ZSCAN25: variants seen among roughly 807,000 people sequenced by gnomAD.
ZSCAN25 encodes zinc finger and SCAN domain containing 25.
A neutral mutation model predicts 38.7 loss-of-function variants in ZSCAN25; 27 were observed. The observed-to-expected ratio is 0.70, with a 90% CI of 0.51 to 0.96. ZSCAN25 has a LOEUF of 0.96. Among genes scored for constraint, ZSCAN25 ranks in the 40% least tolerant of loss-of-function variants. ZSCAN25 has a pLI of 0.00. For missense variants in ZSCAN25, 637 were observed against 705.9 expected, an observed-to-expected ratio of 0.90 and a Z score of 1.11; for synonymous variants, 273 against 277.7, an observed-to-expected ratio of 0.98 and a Z score of 0.17.
chr7:99,650,793 C>T, the ZSCAN25 span, among the ~76,000 whole-genome samples: 1 of 152,012 alleles, frequency 6.6e-6, no homozygotes, highest in Non-Finnish European at 1.5e-5. Context: ...CTCTCCATCT[C>T]TTCCTCTCTT....
the ZSCAN25 span, among the ~76,000 whole-genome samples, chr7:99,650,732 G>A: frequency 4.7e-5 from 7 of 150,072 alleles, no homozygotes; most frequent in Admixed American, 6.7e-5. Context: ...TACCTTCCCC[G>A]TCCACCTTCT....
the ZSCAN25 span, among the ~76,000 whole-genome samples, chr7:99,694,536 A>G: frequency 6.6e-6 from 1 of 152,210 alleles, no homozygotes; most frequent in African/African-American, 2.4e-5. Flanking sequence ...TCTACATTTC[A>G]GGGTTGATGT....
chr7:99,654,527 T>G, the ZSCAN25 span, among the ~76,000 whole-genome samples: 246 of 152,384 alleles, frequency 1.6e-3, no homozygotes, highest in African/African-American at 5.5e-3. Context: ...TTGTGAATAG[T>G]GCTGCAATAA....
the ZSCAN25 span, among the ~76,000 whole-genome samples, chr7:99,736,878 G>A: frequency 6.6e-6 from 1 of 152,120 alleles, no homozygotes; most frequent in Non-Finnish European, 1.5e-5. Flanking sequence ...TATGTGCCGG[G>A]AGCCACATGT....
the ZSCAN25 span, chr7:99,662,857 A>C: frequency 1.2e-6 from 2 of 1,613,992 alleles, no homozygotes; most frequent in South Asian, 2.2e-5. The surrounding 1 kb of genome is among the most constrained non-coding windows in gnomAD (Gnocchi z 4.3). Flanking sequence ...GGAGTCAATC[A>C]TCAGCTGAAG....
At chr7:99,678,885 C>T in the ZSCAN25 span, among the ~76,000 whole-genome samples, 1 of 152,108 alleles carries the variant, frequency 6.6e-6, no homozygotes, top group Non-Finnish European at 1.5e-5. Flanking sequence ...GCCTCCACTA[C>T]CCACAGTGGA....
chr7:99,695,771 A>G, the ZSCAN25 span: 4 of 1,612,702 alleles, frequency 2.5e-6, no homozygotes, highest in African/African-American at 4.0e-5. Flanking sequence ...AGTAGTTCCC[A>G]AAAAAAGCAG....
the ZSCAN25 span, among the ~76,000 whole-genome samples, chr7:99,654,344 T>G: frequency 6.6e-6 from 1 of 152,182 alleles, no homozygotes; most frequent in East Asian, 1.9e-4. Context: ...TGGTTTTTTG[T>G]CCTTGCCATA....
Position 99,629,911 on chromosome 7 carries a change from C to G in ZSCAN25, c.1526C>G (p.Thr509Arg). The change falls in exon 8 of 8, where the codon ACA becomes AGA. Residue 509 changes from threonine to arginine, a missense_variant. Transcript: ENST00000394152. This position sits in a 1 kb window ranked among gnomAD's most constrained non-coding sequence, Gnocchi z 5.6. ...ERLVRHQRIH[T>R]GEKPYHCPAC... The stretch of plus-strand genomic sequence containing the variant: ...CTGGTCCGACACCAGAGAATCCATA[C>G]AGGGGAGAAGCCCTACCACTGTCCT... 6.2e-7 allele frequency: 1 copy of G among 1,614,204 alleles called. No homozygotes were observed. Among genetic ancestry groups the G allele is most frequent in the Non-Finnish European group, 8.5e-7 (1 of 1,180,030 alleles).
chr7:99,714,710 C>G, the ZSCAN25 span: 2 of 1,604,256 alleles, frequency 1.2e-6, no homozygotes, highest in Non-Finnish European at 1.7e-6. Context: ...CAACAGAAAA[C>G]GAAACCATTG....
At chr7:99,699,769 G>A in the ZSCAN25 span, among the ~76,000 whole-genome samples, 3,084 of 152,272 alleles carry the variant, frequency 0.02, 97 homozygotes, top group African/African-American at 0.068. Flanking sequence ...ATTAGAAGGT[G>A]GCTGGGACAA....
At chr7:99,709,767 T>C in the ZSCAN25 span, among the ~76,000 whole-genome samples, 1 of 67,462 alleles carries the variant, frequency 1.5e-5, no homozygotes, top group Non-Finnish European at 5.4e-5. Context: ...GGATTTGTAT[T>C]ATATATATGT....
the ZSCAN25 span, chr7:99,660,006 C>T: frequency 6.1e-6 from 1 of 165,124 alleles, no homozygotes; most frequent in South Asian, 2.0e-4. Context: ...TGACCCCTTG[C>T]ACTTCCCAGG....
At chr7:99,639,630 G>A in the ZSCAN25 span, among the ~76,000 whole-genome samples, 1 of 152,200 alleles carries the variant, frequency 6.6e-6, no homozygotes, top group African/African-American at 2.4e-5. Flanking sequence ...CATAATAGGA[G>A]ACAGTAAATA....
At position 99,631,856 on chromosome 7, in the gene ZSCAN25, C is replaced by T; in HGVS notation, c.*1836C>T. ...AGATGTCCACACGGGGCTGCTGCTG[C>T]TCCTCTGTAATACTGAGGTCCACAT... On this transcript the variant is annotated 3_prime_UTR_variant, in exon 8 of 8. Transcript: ENST00000394152. 1.0e-6 allele frequency: 1 copy of T among 985,454 alleles called. No individual in the cohort carries two copies. The highest frequency in any genetic ancestry group is 6.1e-5 in the Admixed American group (1 of 16,280). The allele number at this position is 985,454 out of a possible 1,614,324, so 61.0% of individuals were successfully genotyped here.
chr7:99,629,324 G>T lies in ZSCAN25; in HGVS notation c.939G>T (p.Glu313Asp). The change falls in exon 8 of 8, where the codon GAG becomes GAT. Residue 313 changes from glutamate to aspartate, a missense_variant. Glu to Asp is a conservative substitution (Grantham distance 45). Transcript: ENST00000394152. The surrounding 1 kb of genome is among the most constrained non-coding windows in gnomAD (Gnocchi z 5.6). ...GPGLGRVCEQEPGGPAGSAPG... is the reference protein window; with the variant it reads ...GPGLGRVCEQDPGGPAGSAPG... The stretch of plus-strand genomic sequence containing the variant: ...GGCTCGGAAGGGTCTGTGAGCAGGA[G>T]CCTGGTGGCCCTGCAGGCAGTGCGC... The T allele has an allele frequency of 6.2e-7, 1 of 1,614,206 alleles. No homozygotes were observed. The highest frequency in any genetic ancestry group is 8.5e-7 in the Non-Finnish European group (1 of 1,180,028).
chr7:99,647,504 A>T, the ZSCAN25 span: 2 of 985,466 alleles, frequency 2.0e-6, no homozygotes, highest in Non-Finnish European at 2.4e-6. Flanking sequence ...GGAGGTGAAG[A>T]TGGAATGCAA....
At chr7:99,734,440 A>G in the ZSCAN25 span, among the ~76,000 whole-genome samples, 1 of 152,082 alleles carries the variant, frequency 6.6e-6, no homozygotes, top group East Asian at 1.9e-4. Flanking sequence ...GGTACAAACC[A>G]TTGTCTATTA....
the ZSCAN25 span, chr7:99,717,347 CA>C: frequency 1.5e-5 from 24 of 1,607,988 alleles, no homozygotes; most frequent in Non-Finnish European, 2.0e-5. Context: ...TGGCATGGAA[CA>C]ATAAGTGACA....
Sources: gnomAD v4.1 joint callset for allele counts (sites outside exome capture counted in the v4.1 genomes callset) on GRCh38, gnomAD v4.1.1 for gene constraint, Gnocchi (gnomAD v3.1) non-coding constraint, MANE v1.5 for transcripts, NCBI Gene and HGNC (gene_info 2026-07-23, HGNC 2026-07-21) for gene names.